The following HACD2 variants were observed in gnomAD, a reference collection of about 807,000 sequenced individuals.
HACD2 encodes the protein very-long-chain (3R)-3-hydroxyacyl-CoA dehydratase 2.
Under a neutral mutation model 31.0 loss-of-function variants are expected in HACD2, and 15 were observed. The observed-to-expected ratio is 0.48, with a 90% CI of 0.32 to 0.75. HACD2 has a LOEUF of 0.75. Among genes scored for constraint, HACD2 ranks in the 30% least tolerant of loss-of-function variants. The probability of loss-of-function intolerance (pLI) is 0.03; values close to 1 mark genes in which losing one functional copy is unlikely to be tolerated. For synonymous variants in HACD2, 115 were observed against 122.2 expected (o/e 0.94, Z 0.39); for missense variants, 283 against 313.0 (o/e 0.90, Z 0.72).
Position 123,519,086 on chromosome 3 carries a change from T to C in HACD2, c.381+9300A>G, listed in dbSNP as rs76340194. 7.5e-3 allele frequency among the ~76,000 whole-genome samples: 1,133 copies of C among 151,342 alleles called. 3 individuals are homozygous for C. The highest frequency in any genetic ancestry group is 0.011 in the Non-Finnish European group (760 of 67,920). On this transcript the variant is annotated intron_variant, in intron 4 of 6. Coordinates refer to ENST00000383657, the MANE Select transcript of HACD2 (RefSeq NM_198402.5). ...TGTCCTGCTAAAAAACAAACCTTTATGGTCTGAAGAAAACAAAAGCTAAAA... is the reference window on the plus strand; with the variant it reads ...TGTCCTGCTAAAAAACAAACCTTTACGGTCTGAAGAAAACAAAAGCTAAAA...
At position 123,582,449 on chromosome 3, in the gene HACD2, T is replaced by A. The variant is rs1193645745; in HGVS notation, c.156-120A>T. 3 of 546,082 alleles carry A rather than the reference T, an allele frequency of 5.5e-6. No individual in the cohort carries two copies. In the African/African-American group the frequency reaches 5.9e-5, roughly 11 times the overall value. The allele number at this position is 546,082 out of a possible 1,614,324, so 33.8% of individuals were successfully genotyped here. A position where few individuals can be genotyped will look rare whatever the true frequency, so the allele number is the denominator to read the frequency against. On this transcript the variant is annotated intron_variant, in intron 1 of 6. Transcript: ENST00000383657. The stretch of plus-strand genomic sequence containing the variant: ...AAGGTGACCTCAAGCATGAGTAACC[T>A]GGATTTATGGACGATAGCTCTCAAA...
At chr3:123,510,879 C>T (rs1251323804) in intron 4 of HACD2, among the ~76,000 whole-genome samples, 1 of 151,458 alleles carries the variant, frequency 6.6e-6, no homozygotes, top group African/African-American at 2.4e-5. Flanking sequence ...ACATTACATC[C>T]CTACCAACAG....
intron 4 of HACD2, among the ~76,000 whole-genome samples, chr3:123,507,430 A>G (rs2055990825): frequency 1.3e-5 from 2 of 152,228 alleles, no homozygotes; most frequent in African/African-American, 4.8e-5. Flanking sequence ...ATTCAGCAAC[A>G]TAAAGGTAAG....
intron 3 of HACD2, among the ~76,000 whole-genome samples, chr3:123,563,815 T>G (rs1326049291): frequency 6.6e-6 from 1 of 152,126 alleles, no homozygotes; most frequent in Admixed American, 6.5e-5. Context: ...ACCCTCAGTC[T>G]CAGCTGGAAG....
At chr3:123,534,029 A>AGCGTGT (rs147240350) in intron 3 of HACD2, among the ~76,000 whole-genome samples, 2 of 149,858 alleles carry the variant, frequency 1.3e-5, no homozygotes, top group Admixed American at 6.7e-5. Context: ...AACATAGTGG[A>AGCGTGT]GTGTGTGTGT....
intron 4 of HACD2, among the ~76,000 whole-genome samples, chr3:123,516,010 T>C (rs1019056860): frequency 1.3e-5 from 2 of 152,276 alleles, no homozygotes. Flanking sequence ...TCCGCCCTCC[T>C]TGGCTTCCCA....
intron 3 of HACD2, among the ~76,000 whole-genome samples, chr3:123,545,081 C>G (rs1156958634): frequency 7.4e-6 from 1 of 134,232 alleles, no homozygotes; most frequent in South Asian, 2.5e-4. Flanking sequence ...ATAATTATTT[C>G]TGGGTAATGA....
chr3:123,575,539 C>A (rs999489938), intron 2 of HACD2, among the ~76,000 whole-genome samples: 10 of 152,212 alleles, frequency 6.6e-5, no homozygotes, highest in African/African-American at 2.4e-4. Flanking sequence ...TTGGACAGTG[C>A]TAGTCTGAAA....
intron 4 of HACD2, among the ~76,000 whole-genome samples, chr3:123,513,641 A>G (rs1306414203): frequency 1.3e-5 from 2 of 152,208 alleles, no homozygotes; most frequent in Admixed American, 1.3e-4. Context: ...GACCTGACAA[A>G]GAAACATCAC....
At chr3:123,536,180 T>C (rs2056424098) in intron 3 of HACD2, among the ~76,000 whole-genome samples, 1 of 152,230 alleles carries the variant, frequency 6.6e-6, no homozygotes, top group Non-Finnish European at 1.5e-5. Flanking sequence ...GGCTTTATAA[T>C]GTTTTCATAA....
In HACD2 at chr3:123,524,448, A is replaced by T. The variant is rs537762662; in HGVS notation, c.381+3938T>A. Among the ~76,000 whole-genome samples the T allele has an allele frequency of 3.3e-5, 5 of 152,284 alleles. No individual in the cohort carries two copies. The South Asian group carries it at 1.0e-3, about 32-fold the overall frequency. On this transcript the variant is annotated intron_variant, in intron 4 of 6. Transcript: ENST00000383657. ...GAGCACTTGAGCAGTAAAAAAACAG[A>T]GAAGCAATGTGTTGCAGATAAGCAC...
intron 6 of HACD2, among the ~76,000 whole-genome samples, chr3:123,497,076 G>C (rs2107676875): frequency 6.6e-6 from 1 of 152,314 alleles, no homozygotes; most frequent in African/African-American, 2.4e-5. Context: ...TAGGGTGTCT[G>C]GCCTATTCTC....
chr3:123,518,995 T>TAAAAAAAA, intron 4 of HACD2, among the ~76,000 whole-genome samples: 1 of 42,506 alleles, frequency 2.4e-5, no homozygotes, highest in East Asian at 5.8e-4. Context: ...AGACTCCAAC[T>TAAAAAAAA]AAAAAAAAAA....
Position 123,526,527 on chromosome 3 carries a change from CTTTTCCTTTTTTTTTTT to C in HACD2, c.381+1842_381+1858del, listed in dbSNP as rs371777856. The stretch of plus-strand genomic sequence containing the variant: ...AGAAAATGATATGCCTTTTCTTTTT[CTTTTCCTTTTTTTTTTT>C]GGCAGGTAAAGAAAATGATATGTTA... On this transcript the variant is annotated intron_variant, in intron 4 of 6. Transcript: ENST00000383657. Among the ~76,000 whole-genome samples the C allele has an allele frequency of 4.4e-3, 661 of 150,004 alleles. 4 individuals carry two copies. Among genetic ancestry groups the C allele is most frequent in the African/African-American group, 0.016 (643 of 40,974 alleles).
intron 4 of HACD2, among the ~76,000 whole-genome samples, chr3:123,516,233 A>AATT (rs2056134491): frequency 7.9e-6 from 1 of 125,812 alleles, no homozygotes; most frequent in Non-Finnish European, 1.7e-5. Flanking sequence ...TGTGCAACAT[A>AATT]TTTTTTTTTT....
At chr3:123,534,798 T>TTG (rs71142740) in intron 3 of HACD2, among the ~76,000 whole-genome samples, 2 of 149,084 alleles carry the variant, frequency 1.3e-5, no homozygotes, top group African/African-American at 4.9e-5. Flanking sequence ...AGACGTAGGC[T>TTG]TGTGTGTGTG....
chr3:123,492,920 G>A lies in HACD2; in HGVS notation c.*1968C>T, dbSNP rs573979281. 1 of 152,256 alleles carries A rather than the reference G, an allele frequency of 6.6e-6. No homozygotes were observed. Among genetic ancestry groups the A allele is most frequent in the Non-Finnish European group, 1.5e-5 (1 of 67,992 alleles). The allele number at this position is 152,256 out of a possible 1,614,324, so 9.4% of individuals were successfully genotyped here. A position where few individuals can be genotyped will look rare whatever the true frequency, so the allele number is the denominator to read the frequency against. On this transcript the variant is annotated 3_prime_UTR_variant, in exon 7 of 7. Transcript: ENST00000383657. Reference sequence around the variant, plus strand: ...CACATATTTTGTCTATCAAATACAAGAATAGATTCTAATTTCAACATGTCC... The same window carrying A: ...CACATATTTTGTCTATCAAATACAAAAATAGATTCTAATTTCAACATGTCC...
At chr3:123,577,344 G>A (rs1381232782) in intron 2 of HACD2, among the ~76,000 whole-genome samples, 3 of 152,032 alleles carry the variant, frequency 2.0e-5, no homozygotes, top group Non-Finnish European at 2.9e-5. Flanking sequence ...GTCTTTGGCC[G>A]GGCGCAGTGG....
At chr3:123,522,546 G>C (rs953155506) in intron 4 of HACD2, among the ~76,000 whole-genome samples, 4 of 152,114 alleles carry the variant, frequency 2.6e-5, no homozygotes, top group African/African-American at 9.7e-5. Context: ...AAAGGATCCA[G>C]CTAGCTATGA....
Sources: gnomAD v4.1 joint callset for allele counts (sites outside exome capture counted in the v4.1 genomes callset) on GRCh38, gnomAD v4.1.1 for gene constraint, MANE v1.5 for transcripts, NCBI Gene and HGNC (gene_info 2026-07-23, HGNC 2026-07-21) for gene names.